Variants in KLF8 observed in about 807,000 individuals in gnomAD.
KLF8 encodes Krueppel-like factor 8.
Under a neutral mutation model 18.2 loss-of-function variants are expected in KLF8, and 10 were observed. The observed-to-expected ratio is 0.55, with a 90% CI of 0.34 to 0.93. The LOEUF is 0.93. Ranked by LOEUF, KLF8 falls within the 40% of genes least tolerant of loss-of-function variation. KLF8 has a pLI of 0.02. For missense variants in KLF8, 264 were observed against 277.9 expected, an observed-to-expected ratio of 0.95 and a Z score of 0.36; for synonymous variants, 109 against 97.3, an observed-to-expected ratio of 1.12 and a Z score of -0.71.
At chrX:56,095,465 A>C in the KLF8 span, among the ~76,000 whole-genome samples, 1 of 110,738 alleles carries the variant, frequency 9.0e-6, no homozygotes, top group African/African-American at 3.4e-5. Context: ...AAGTAGACAA[A>C]TGGGACTTAA....
chrX:56,288,945 C>A lies in KLF8; in HGVS notation c.*4451C>A, dbSNP rs1000892398. ...CCTGTACTCTTTTTTTCCTCCCCTCCATACTGTACTCTCTGAAAGGAAATC... is the reference window on the plus strand; with the variant it reads ...CCTGTACTCTTTTTTTCCTCCCCTCAATACTGTACTCTCTGAAAGGAAATC... On this transcript the variant is annotated 3_prime_UTR_variant, in exon 6 of 6. Coordinates refer to ENST00000468660, the MANE Select transcript of KLF8 (RefSeq NM_007250.5). Among the ~76,000 whole-genome samples, 1 of 111,784 alleles carries A rather than the reference C, an allele frequency of 8.9e-6. No individual in the cohort carries two copies. The highest frequency in any genetic ancestry group is 1.9e-5 in the Non-Finnish European group (1 of 53,200).
the KLF8 span, among the ~76,000 whole-genome samples, chrX:56,173,531 G>A: frequency 4.5e-5 from 5 of 111,836 alleles, no homozygotes; most frequent in African/African-American, 1.3e-4. Context: ...GTCAGGTAGC[G>A]TGATGCCTCC....
At chrX:55,908,777 C>A in the KLF8 span, 5 of 275,420 alleles carry the variant, frequency 1.8e-5, no homozygotes, top group Admixed American at 3.2e-4. Context: ...GGAGAGGATG[C>A]CTTCGGAGGC....
At chrX:56,051,282 T>G in the KLF8 span, among the ~76,000 whole-genome samples, 1 of 110,882 alleles carries the variant, frequency 9.0e-6, no homozygotes, top group Non-Finnish European at 1.9e-5. Context: ...AAAGTTAATA[T>G]TGTTACGTGT....
At chrX:56,000,685 G>A in the KLF8 span, among the ~76,000 whole-genome samples, 3 of 110,591 alleles carry the variant, frequency 2.7e-5, no homozygotes, top group Non-Finnish European at 1.9e-5. Context: ...GGTATTAGTT[G>A]TAATGTTTTT....
chrX:56,164,729 C>CTTTTTTTTTTTTTTTTTTTTTTTTT, the KLF8 span, among the ~76,000 whole-genome samples: 5 of 51,920 alleles, frequency 9.6e-5, no homozygotes, highest in East Asian at 6.3e-4. Context: ...CTTGTTATCT[C>CTTTTTTTTTTTTTTTTTTTTTTTTT]TTTTTTTTTT....
the KLF8 span, among the ~76,000 whole-genome samples, chrX:56,016,265 T>C: frequency 8.9e-6 from 1 of 112,247 alleles, no homozygotes. Flanking sequence ...AAGTATATAA[T>C]ATAGTGCCTG....
At chrX:56,153,952 C>T in the KLF8 span, among the ~76,000 whole-genome samples, 1 of 111,564 alleles carries the variant, frequency 9.0e-6, no homozygotes, top group Non-Finnish European at 1.9e-5. Context: ...AATGGAAGAA[C>T]ATTCCATGCT....
the KLF8 span, among the ~76,000 whole-genome samples, chrX:56,160,048 A>C: frequency 9.0e-5 from 10 of 111,726 alleles, no homozygotes; most frequent in South Asian, 1.1e-3. Context: ...TTCCCTGTAC[A>C]CACTGCTTTG....
intron 2 of KLF8, 147 bp from the exon 3 acceptor site, chrX:56,265,033 T>C: frequency 1.6e-6 from 1 of 635,139 alleles, no homozygotes; most frequent in Non-Finnish European, 2.2e-6. Flanking sequence ...TCTGTTTTTC[T>C]CTTTAGTTTA....
the KLF8 span, among the ~76,000 whole-genome samples, chrX:56,060,473 T>C: frequency 8.9e-6 from 1 of 112,217 alleles, no homozygotes; most frequent in Non-Finnish European, 1.9e-5. Context: ...ATTCTGTTTA[T>C]GTGTTGGATT....
At chrX:56,059,751 C>T in the KLF8 span, among the ~76,000 whole-genome samples, 30 of 111,752 alleles carry the variant, frequency 2.7e-4, no homozygotes, top group African/African-American at 9.7e-4. Context: ...GTTTTGTTTA[C>T]TGTAGCCTTG....
chrX:55,968,539 T>A, the KLF8 span, among the ~76,000 whole-genome samples: 6 of 112,093 alleles, frequency 5.4e-5, no homozygotes, highest in African/African-American at 1.6e-4. Context: ...AATCTCACCT[T>A]GAATTGTAAT....
the KLF8 span, among the ~76,000 whole-genome samples, chrX:56,087,160 T>G: frequency 3.6e-5 from 4 of 111,436 alleles, no homozygotes; most frequent in African/African-American, 1.3e-4. Flanking sequence ...GAAGTTTGGC[T>G]GTATTCTTTC....
chrX:56,186,962 AG>A, the KLF8 span, among the ~76,000 whole-genome samples: 1 of 111,916 alleles, frequency 8.9e-6, no homozygotes, highest in Admixed American at 9.5e-5. Flanking sequence ...CACAATTAAA[AG>A]AACTAGAGAA....
chrX:56,124,076 T>A, the KLF8 span, among the ~76,000 whole-genome samples: 1 of 111,696 alleles, frequency 9.0e-6, no homozygotes, highest in South Asian at 3.7e-4. Flanking sequence ...TAATAGTCAT[T>A]GATTTTGTTT....
the KLF8 span, among the ~76,000 whole-genome samples, chrX:56,079,332 G>A: frequency 3.6e-5 from 4 of 110,643 alleles, no homozygotes; most frequent in African/African-American, 1.3e-4. Flanking sequence ...AGAGATTCTG[G>A]TATGTTGTGT....
chrX:56,252,105 C>T (rs1486681076), intron 2 of KLF8, among the ~76,000 whole-genome samples: 2 of 110,749 alleles, frequency 1.8e-5, no homozygotes, highest in African/African-American at 6.6e-5. Flanking sequence ...CTCCGCCTCC[C>T]AGATTCAAGC....
At chrX:56,203,202 C>T in the KLF8 span, among the ~76,000 whole-genome samples, 1 of 112,034 alleles carries the variant, frequency 8.9e-6, no homozygotes. Flanking sequence ...TTTTCATATT[C>T]CTGTTTGCTA....
Sources: allele counts gnomAD v4.1 joint callset (sites outside exome capture counted in the v4.1 genomes callset), GRCh38; gene constraint gnomAD v4.1.1; transcripts MANE v1.5; gene names NCBI Gene and HGNC (gene_info 2026-07-23, HGNC 2026-07-21).